RAD51B: variants seen among roughly 807,000 people sequenced by gnomAD.
RAD51B encodes the protein DNA repair protein RAD51 homolog 2.
In RAD51B, 38 loss-of-function variants were observed where a neutral mutation model predicts 42.2. That is an observed-to-expected ratio of 0.90 (90% confidence interval 0.70 to 1.18). The LOEUF is 1.18. RAD51B is among the 50% of genes most tolerant of loss of function. The pLI is 0.00. For missense variants in RAD51B, 373 were observed against 400.7 expected (o/e 0.93, Z 0.59); for synonymous variants, 154 against 145.2 (o/e 1.06, Z -0.43).
intron 10 of RAD51B, among the ~76,000 whole-genome samples, chr14:68,620,169 A>AG: frequency 6.6e-6 from 1 of 152,268 alleles, no homozygotes; most frequent in South Asian, 2.1e-4. Flanking sequence ...TTTCTTTTAG[A>AG]GAAAAAGTCT....
chr14:67,856,345 C>A (rs2041999787), intron 4 of RAD51B, among the ~76,000 whole-genome samples: 1 of 151,838 alleles, frequency 6.6e-6, no homozygotes, highest in Admixed American at 6.6e-5. Context: ...TGCAACCTGG[C>A]CTTTCTGAGA....
At chr14:68,562,152 C>T (rs1479429529) in intron 10 of RAD51B, 9 of 985,298 alleles carry the variant, frequency 9.1e-6, no homozygotes, top group Non-Finnish European at 1.1e-5. Context: ...AATGCCAGTT[C>T]TGAAGAGGCA....
intron 8 of RAD51B, among the ~76,000 whole-genome samples, chr14:68,356,961 C>T (rs1046570389): frequency 1.7e-5 from 2 of 117,524 alleles, no homozygotes; most frequent in South Asian, 2.9e-4. Flanking sequence ...CCAGCCTGGG[C>T]GACAGAGCGA....
chr14:68,385,924 A>G (rs2083585171), intron 8 of RAD51B, among the ~76,000 whole-genome samples: 4 of 152,214 alleles, frequency 2.6e-5, no homozygotes, highest in Admixed American at 1.3e-4. Flanking sequence ...AAACTCAGGC[A>G]CTGAGAGATT....
intron 10 of RAD51B, among the ~76,000 whole-genome samples, chr14:68,638,262 T>C (rs1892381121): frequency 6.6e-6 from 1 of 152,168 alleles, no homozygotes; most frequent in South Asian, 2.1e-4. Context: ...ATGAGCTTCT[T>C]ATTAGGAGTG....
chr14:68,354,216 G>A (rs904713722), intron 8 of RAD51B, among the ~76,000 whole-genome samples: 34 of 110,470 alleles, frequency 3.1e-4, no homozygotes, highest in African/African-American at 1.1e-3. Context: ...TGGTTTTTTG[G>A]TTTTTTTTTT....
intron 10 of RAD51B, among the ~76,000 whole-genome samples, chr14:68,493,148 C>A (rs1884214291): frequency 6.6e-6 from 1 of 152,114 alleles, no homozygotes; most frequent in African/African-American, 2.4e-5. Flanking sequence ...CCCCTGCTAC[C>A]TTTTGATTAA....
rs144701909 is a variant in RAD51B, at chr14:68,207,163, G to A, written c.757-84721G>A. On this transcript the variant is annotated intron_variant, in intron 7 of 10. Transcript: ENST00000471583. Reference sequence around the variant, plus strand: ...CATAGGTGTGCTCATTACTATTGAGGTATCTTGGCTCTTGGCTCTTTCAGT... The same window carrying A: ...CATAGGTGTGCTCATTACTATTGAGATATCTTGGCTCTTGGCTCTTTCAGT... Among the ~76,000 whole-genome samples, 1,007 of 152,112 alleles carry A rather than the reference G, an allele frequency of 6.6e-3. 30 individuals are homozygous for A. The highest frequency in any genetic ancestry group is 3.4e-3 in the Non-Finnish European group (231 of 68,004).
At chr14:68,301,432 C>G (rs1333663253) in intron 8 of RAD51B, among the ~76,000 whole-genome samples, 1 of 152,052 alleles carries the variant, frequency 6.6e-6, no homozygotes, top group Non-Finnish European at 1.5e-5. Context: ...GGGGTGGATC[C>G]AAGGCCAGCC....
At chr14:68,331,482 T>C (rs2082351712) in intron 8 of RAD51B, among the ~76,000 whole-genome samples, 1 of 151,968 alleles carries the variant, frequency 6.6e-6, no homozygotes, top group Non-Finnish European at 1.5e-5. Context: ...TCCACATCTT[T>C]CTGTACTAGT....
At chr14:68,672,313 T>C (rs1187668143) in intron 11 of RAD51B, among the ~76,000 whole-genome samples, 1 of 152,216 alleles carries the variant, frequency 6.6e-6, no homozygotes, top group African/African-American at 2.4e-5. Context: ...GGGTGACTTG[T>C]GATGAGTGGA....
At chr14:67,849,620 A>T (rs1375697077) in intron 4 of RAD51B, among the ~76,000 whole-genome samples, 1 of 152,118 alleles carries the variant, frequency 6.6e-6, no homozygotes. Context: ...TATATGTGTT[A>T]GTTTGAAATA....
intron 7 of RAD51B, among the ~76,000 whole-genome samples, chr14:68,129,753 A>G (rs2077846417): frequency 1.3e-5 from 2 of 152,170 alleles, no homozygotes; most frequent in African/African-American, 4.8e-5. Context: ...ACTTTAGTAT[A>G]TACTTTAGAA....
chr14:68,335,315 A>AG (rs1464845301), intron 8 of RAD51B, among the ~76,000 whole-genome samples: 3 of 19,476 alleles, frequency 1.5e-4, no homozygotes, highest in African/African-American at 4.2e-4. Flanking sequence ...AAAAAAAAAG[A>AG]AAAGAAAAAA....
At chr14:68,118,776 G>T (rs1461769452) in intron 7 of RAD51B, among the ~76,000 whole-genome samples, 1 of 152,060 alleles carries the variant, frequency 6.6e-6, no homozygotes, top group Admixed American at 6.5e-5. Context: ...TAGCTCGTGT[G>T]TGTGTTGTGT....
At chr14:68,184,634 A>AAAAAAAAAAG (rs2079122952) in intron 7 of RAD51B, among the ~76,000 whole-genome samples, 1 of 151,510 alleles carries the variant, frequency 6.6e-6, no homozygotes, top group South Asian at 2.1e-4. Context: ...CCAAAAAAAA[A>AAAAAAAAAAG]AACAGGAAGA....
intron 4 of RAD51B, among the ~76,000 whole-genome samples, chr14:67,845,103 T>C (rs1439455498): frequency 6.6e-6 from 1 of 151,968 alleles, no homozygotes; most frequent in Non-Finnish European, 1.5e-5. Flanking sequence ...CTTGTTTACA[T>C]TCAACGTTAA....
chr14:68,131,613 T>C (rs935913301), intron 7 of RAD51B, among the ~76,000 whole-genome samples: 1 of 152,134 alleles, frequency 6.6e-6, no homozygotes, highest in African/African-American at 2.4e-5. Context: ...GGAAAATCGC[T>C]TGAACCCAGT....
intron 10 of RAD51B, chr14:68,468,995 A>G: frequency 2.7e-6 from 1 of 371,374 alleles, no homozygotes; most frequent in Admixed American, 2.5e-5. Context: ...GCACTGTTAG[A>G]AGAGTCAGCC....
Sources: gnomAD v4.1 joint callset for allele counts (sites outside exome capture counted in the v4.1 genomes callset) on GRCh38, gnomAD v4.1.1 for gene constraint, MANE v1.5 for transcripts, NCBI Gene and HGNC (gene_info 2026-07-23, HGNC 2026-07-21) for gene names.